PRH1: variants seen among roughly 807,000 people sequenced by gnomAD.
The protein encoded by PRH1 is salivary acidic proline-rich phosphoprotein 1/2.
In PRH1, 7 loss-of-function variants were observed where a neutral mutation model predicts 7.9. The observed-to-expected ratio is 0.89, with a 90% CI of 0.50 to 1.67. PRH1 has a LOEUF of 1.67. Among genes scored for constraint, PRH1 ranks in the 40% most tolerant of loss-of-function variants. The probability of loss-of-function intolerance (pLI) is 0.00; values close to 1 mark genes in which losing one functional copy is unlikely to be tolerated. For synonymous variants in PRH1, 45 were observed against 80.8 expected, an observed-to-expected ratio of 0.56 and a Z score of 2.38; for missense variants, 109 against 223.6, an observed-to-expected ratio of 0.49 and a Z score of 3.27.
chr12:10,970,457 G>A (rs1000473096), intron 2 of PRH1, among the ~76,000 whole-genome samples: 10 of 151,994 alleles, frequency 6.6e-5, no homozygotes, highest in African/African-American at 2.4e-4. Context: ...GTCCAGCAAT[G>A]TATCAATATT....
At chr12:10,982,468 T>G (rs116290704) in intron 1 of PRH1, among the ~76,000 whole-genome samples, 2,315 of 152,304 alleles carry the variant, frequency 0.015, 19 homozygotes, top group South Asian at 0.031. Flanking sequence ...TCCAGCACTT[T>G]GTATGCGGCT....
intron 2 of PRH1, among the ~76,000 whole-genome samples, chr12:10,968,808 A>G (rs962968902): frequency 6.6e-6 from 1 of 152,232 alleles, no homozygotes; most frequent in African/African-American, 2.4e-5. Flanking sequence ...CAGGCCCCGC[A>G]GCAGCATCTG....
intron 2 of PRH1, among the ~76,000 whole-genome samples, chr12:10,954,369 T>G (rs1937846507): frequency 6.6e-6 from 1 of 152,202 alleles, no homozygotes; most frequent in Non-Finnish European, 1.5e-5. Flanking sequence ...AGAGACTCAC[T>G]TACATGCAGT....
intron 2 of PRH1, among the ~76,000 whole-genome samples, chr12:10,893,472 T>C (rs574036892): frequency 2.6e-5 from 4 of 152,344 alleles, no homozygotes; most frequent in Admixed American, 6.5e-5. Context: ...AACATTACAA[T>C]AGATGCCAGC....
intron 1 of PRH1, among the ~76,000 whole-genome samples, chr12:11,008,220 G>A (rs1481595278): frequency 6.6e-6 from 1 of 152,034 alleles, no homozygotes; most frequent in Non-Finnish European, 1.5e-5. Context: ...ACTCTCTAGA[G>A]TTGTATAAGA....
chr12:11,091,202 A>G lies in PRH1; in HGVS notation n.124-44014T>C, dbSNP rs1944879049. ...AGGTATACGTTTGGAAATTATTCAT[A>G]CACATACAGTATAGAAAAACCAGTA... On this transcript the variant is annotated intron_variant and non_coding_transcript_variant, in intron 1 of 4. Transcript: ENST00000541977. 7 of 1,010,184 alleles carry G rather than the reference A, an allele frequency of 6.9e-6. 2 individuals are homozygous for G. The Admixed American group carries it at 9.8e-5, about 14-fold the overall frequency. 62.6% of individuals were successfully genotyped at this position (1,010,184 alleles called of 1,614,324 possible).
intron 1 of PRH1, among the ~76,000 whole-genome samples, chr12:11,168,368 AAAAG>A (rs199864169): frequency 0.013 from 470 of 36,156 alleles, 114 homozygotes; most frequent in African/African-American, 0.048. Context: ...GAAAAGAAAG[AAAAG>A]AAAGAAAGAA....
chr12:11,101,362 C>G (rs141700364), intron 1 of PRH1, among the ~76,000 whole-genome samples: 3 of 152,126 alleles, frequency 2.0e-5, no homozygotes, highest in Non-Finnish European at 4.4e-5. Context: ...TAGTGGTGCA[C>G]GCCTGTTGTC....
intron 2 of PRH1, among the ~76,000 whole-genome samples, chr12:10,911,373 A>C (rs182332631): frequency 1.3e-5 from 2 of 152,206 alleles, no homozygotes; most frequent in Admixed American, 6.5e-5. Context: ...GTGTGTTTCC[A>C]TAAGAGAAAA....
chr12:10,886,370 A>G (rs1949492344), upstream of PRH1, among the ~76,000 whole-genome samples: 1 of 152,236 alleles, frequency 6.6e-6, no homozygotes, highest in Non-Finnish European at 1.5e-5. Context: ...TCTCCTTGGC[A>G]GCAGAGTACA....
intron 1 of PRH1, among the ~76,000 whole-genome samples, chr12:11,165,764 T>A (rs1351843820): frequency 6.6e-6 from 1 of 152,226 alleles, no homozygotes; most frequent in African/African-American, 2.4e-5. Context: ...TGTATTTAGA[T>A]TCAAATGGCT....
chr12:10,991,758 CAA>C (rs1388288117), intron 1 of PRH1, among the ~76,000 whole-genome samples: 3 of 152,034 alleles, frequency 2.0e-5, no homozygotes, highest in Non-Finnish European at 4.4e-5. Flanking sequence ...AGTTTACAGA[CAA>C]GAGGAAGAAC....
At chr12:10,915,075 C>A (rs1290138430) in intron 2 of PRH1, among the ~76,000 whole-genome samples, 1 of 152,084 alleles carries the variant, frequency 6.6e-6, no homozygotes, top group African/African-American at 2.4e-5. Context: ...TTGCAGTGAG[C>A]CAAGATCATG....
chr12:11,169,038 A>T (rs1947725390), intron 1 of PRH1, among the ~76,000 whole-genome samples: 1 of 152,236 alleles, frequency 6.6e-6, no homozygotes, highest in Non-Finnish European at 1.5e-5. Flanking sequence ...GAACATAAGT[A>T]TAAAAATATT....
chr12:11,017,036 A>G (rs1255464507), intron 1 of PRH1, among the ~76,000 whole-genome samples: 1 of 152,256 alleles, frequency 6.6e-6, no homozygotes, highest in Non-Finnish European at 1.5e-5. Flanking sequence ...ATAAATTTAA[A>G]TCACTACTTA....
At chr12:11,018,844 C>A (rs1378164814) in intron 1 of PRH1, among the ~76,000 whole-genome samples, 1 of 152,264 alleles carries the variant, frequency 6.6e-6, no homozygotes, top group African/African-American at 2.4e-5. Flanking sequence ...AATCAACTGT[C>A]AAGTCTCAAG....
chr12:10,914,745 A>G (rs895355686), intron 2 of PRH1, among the ~76,000 whole-genome samples: 4 of 152,228 alleles, frequency 2.6e-5, no homozygotes, highest in Non-Finnish European at 4.4e-5. Flanking sequence ...TATATCAGAA[A>G]GAAGAGTCTA....
intron 1 of PRH1, among the ~76,000 whole-genome samples, chr12:11,036,815 T>C (rs1301572563): frequency 6.6e-6 from 1 of 152,228 alleles, no homozygotes; most frequent in African/African-American, 2.4e-5. Flanking sequence ...AACCACTTCA[T>C]GATATAGATG....
intron 2 of PRH1, among the ~76,000 whole-genome samples, chr12:10,961,963 T>C (rs1020166728): frequency 2.0e-5 from 3 of 152,192 alleles, no homozygotes; most frequent in Non-Finnish European, 4.4e-5. Flanking sequence ...CAACACATTG[T>C]TACAATACAT....
Sources: gnomAD v4.1 joint callset for allele counts (sites outside exome capture counted in the v4.1 genomes callset) on GRCh38, gnomAD v4.1.1 for gene constraint, MANE v1.5 for transcripts, NCBI Gene and HGNC (gene_info 2026-07-23, HGNC 2026-07-21) for gene names.